ABHD18: variants seen among roughly 807,000 people sequenced by gnomAD.
ABHD18 encodes the protein cardiolipin-specific deacylase, mitochondrial.
ABHD18 carries 55 observed loss-of-function variants against 65.9 expected under a neutral mutation model. The observed-to-expected ratio is 0.84, with a 90% CI of 0.67 to 1.05. ABHD18 has a LOEUF of 1.05. Among genes scored for constraint, ABHD18 ranks in the 50% least tolerant of loss-of-function variants. The pLI is 0.00. For missense variants in ABHD18, 533 were observed against 558.5 expected (o/e 0.95, Z 0.46); for synonymous variants, 181 against 180.2 (o/e 1.00, Z -0.04).
rs747148395 is a variant in ABHD18, at chr4:127,989,714, CT to C, written c.178-3del. ...TTGCATACATCTTGGTTTTGATTTT[CT>C]TTTAGATTGAAGAGCAATCAGATTG... On this transcript the variant is annotated splice_region_variant and splice_polypyrimidine_tract_variant and intron_variant, in intron 3 of 12. Coordinates refer to ENST00000645843, the MANE Select transcript of ABHD18 (RefSeq NM_001358451.3). 2 of 1,553,566 alleles carry C rather than the reference CT, an allele frequency of 1.3e-6. No individual in the cohort carries two copies. The highest frequency in any genetic ancestry group is 2.5e-5 in the South Asian group (2 of 81,478).
At chr4:128,035,625 T>C (rs1467865169) in intron 12 of ABHD18, 137 bp from the exon 13 acceptor site, 8 of 546,274 alleles carry the variant, frequency 1.5e-5, no homozygotes, top group Middle Eastern at 3.6e-4. Context: ...GGAGGGTAAC[T>C]GCCTATTTCA....
At chr4:128,030,032 G>A (rs1396116590) in intron 11 of ABHD18, among the ~76,000 whole-genome samples, 1 of 151,920 alleles carries the variant, frequency 6.6e-6, no homozygotes, top group Non-Finnish European at 1.5e-5. Context: ...GCATTCACCT[G>A]TAGTCCCAGC....
At chr4:128,029,969 A>G (rs1445651759) in intron 11 of ABHD18, among the ~76,000 whole-genome samples, 1 of 152,102 alleles carries the variant, frequency 6.6e-6, no homozygotes, top group African/African-American at 2.4e-5. Context: ...CCTCGGTGAC[A>G]AAGTGAAACT....
chr4:128,013,977 CTTTTTTTTTTT>C (rs61303818), intron 7 of ABHD18, among the ~76,000 whole-genome samples: 41 of 115,134 alleles, frequency 3.6e-4, no homozygotes, highest in Admixed American at 5.8e-4. Flanking sequence ...GAATTTCCAC[CTTTTTTTTTTT>C]TTTTTTTTTT....
intron 4 of ABHD18, among the ~76,000 whole-genome samples, chr4:127,999,805 G>T (rs1271948611): frequency 6.6e-6 from 1 of 151,908 alleles, no homozygotes; most frequent in Non-Finnish European, 1.5e-5. Flanking sequence ...GGTCCCACTT[G>T]TCTCTTTTCT....
At chr4:128,035,210 T>C (rs1758750427) in intron 12 of ABHD18, among the ~76,000 whole-genome samples, 1 of 152,084 alleles carries the variant, frequency 6.6e-6, no homozygotes, top group African/African-American at 2.4e-5. Flanking sequence ...TGTGCGTGCG[T>C]GTATGTATGA....
chr4:128,011,150 ATTT>A (rs766141488), intron 6 of ABHD18, among the ~76,000 whole-genome samples: 2 of 141,506 alleles, frequency 1.4e-5, no homozygotes, highest in Non-Finnish European at 1.5e-5. Flanking sequence ...GTGATATATG[ATTT>A]TTTTTTTTTT....
rs1048044652 is a variant in ABHD18 at position 128,031,181 on chromosome 4, G to A, written c.1343+509G>A. 56 of 982,210 alleles carry A rather than the reference G, an allele frequency of 5.7e-5. No homozygotes were observed. The African/African-American group carries it at 9.1e-4, about 16-fold the overall frequency. The allele number at this position is 982,210 out of a possible 1,614,324, so 60.8% of individuals were successfully genotyped here. On this transcript the variant is annotated intron_variant, in intron 12 of 12. Transcript: ENST00000645843. ...ATAAAAACTTTTATGCTGGCTGGGC[G>A]CGGTGGCTTACGCCTGTAATCCCAG...
Position 128,030,666 on chromosome 4 carries a change from T to A in ABHD18, c.1337T>A (p.Leu446His). ...HISAYLFKQG[L>H]FRQAIYDAFD... ...AGTGCTTATCTTTTTAAACAAGGAC[T>A]CTTCAGGTAAGACGGCTGGTCTAAA... The change falls in exon 12 of 13, where the codon CTC becomes CAC. Residue 446 changes from leucine (L) to histidine (H), a missense_variant. This residue lies in a region of ABHD18 where 220 missense variants were observed against 226.8 expected (regional missense o/e 0.97). Transcript: ENST00000645843. 6.3e-7 allele frequency: 1 copy of A among 1,588,158 alleles called. No individual in the cohort carries two copies. Among genetic ancestry groups the A allele is most frequent in the Non-Finnish European group, 8.5e-7 (1 of 1,174,138 alleles).
chr4:127,986,394 A>G (rs947703025), intron 3 of ABHD18, among the ~76,000 whole-genome samples: 16 of 152,194 alleles, frequency 1.1e-4, no homozygotes, highest in Admixed American at 4.6e-4. Flanking sequence ...TTCAAGAAAA[A>G]CTTTATCCTT....
chr4:128,036,834 A>G lies in ABHD18; in HGVS notation c.*1021A>G, dbSNP rs573640915. ...AGATTAGGGTTTTTAAAAAATGCCA[A>G]TAGGCCGGGTGCAGTGGCTCATGCC... On this transcript the variant is annotated 3_prime_UTR_variant, in exon 13 of 13. Transcript: ENST00000645843. 2.0e-5 allele frequency: 3 copies of G among 152,274 alleles called. No homozygotes were observed. The highest frequency in any genetic ancestry group is 1.9e-4 in the East Asian group (1 of 5,174). The allele number at this position is 152,274 out of a possible 1,614,324, so 9.4% of individuals were successfully genotyped here. A position where few individuals can be genotyped will look rare whatever the true frequency, so the allele number is the denominator to read the frequency against.
At chr4:127,968,036 C>T (rs1447514408) in intron 1 of ABHD18, among the ~76,000 whole-genome samples, 2 of 152,008 alleles carry the variant, frequency 1.3e-5, no homozygotes, top group African/African-American at 4.8e-5. Flanking sequence ...GGTGAAACCC[C>T]GTCTCTACTA....
At chr4:128,033,967 T>C (rs1270351817) in intron 12 of ABHD18, among the ~76,000 whole-genome samples, 1 of 148,842 alleles carries the variant, frequency 6.7e-6, no homozygotes, top group Non-Finnish European at 1.5e-5. Context: ...TTCTTTTTTT[T>C]TTTTTTTTTT....
At chr4:128,035,109 A>G (rs1427451496) in intron 12 of ABHD18, among the ~76,000 whole-genome samples, 1 of 152,218 alleles carries the variant, frequency 6.6e-6, no homozygotes, top group Non-Finnish European at 1.5e-5. Context: ...GAAAAGTTAC[A>G]TAATTAATTT....
rs574956758 is a variant in ABHD18 at position 128,009,119 on chromosome 4, C to G, written c.370C>G (p.Arg124Gly). 1 of 1,570,298 alleles carries G rather than the reference C, an allele frequency of 6.4e-7. No homozygotes were observed. The highest frequency in any genetic ancestry group is 1.4e-5 in the African/African-American group (1 of 72,428). Reference protein sequence around the residue: ...AGTGDHHYWRRRTLMARPMIK... With the variant: ...AGTGDHHYWRGRTLMARPMIK... ...TTTCTTTCCTTAGCATTACTGGAGGCGACGAACACTAATGGCCCGTCCTAT... is the reference window on the plus strand; with the variant it reads ...TTTCTTTCCTTAGCATTACTGGAGGGGACGAACACTAATGGCCCGTCCTAT... Residue 124 changes from arginine (R) to glycine (G), a missense_variant, in exon 6 of 13, where the codon CGA becomes GGA. Around this residue, in one of 3 missense-constraint regions of ABHD18, gnomAD observed 309 missense variants for 313.5 expected, o/e 0.99. Coordinates refer to ENST00000645843, the MANE Select transcript of ABHD18 (RefSeq NM_001358451.3).
intron 1 of ABHD18, among the ~76,000 whole-genome samples, chr4:127,979,681 C>T (rs1423686902): frequency 6.6e-6 from 1 of 151,990 alleles, no homozygotes; most frequent in Non-Finnish European, 1.5e-5. Flanking sequence ...TTTGGGAGGC[C>T]GAGGCGGGTG....
chr4:127,990,464 T>C (rs927978752), intron 4 of ABHD18, among the ~76,000 whole-genome samples: 2 of 152,116 alleles, frequency 1.3e-5, no homozygotes, highest in Non-Finnish European at 2.9e-5. Context: ...CCTGGGAGGC[T>C]GAGGCAGGAG....
At chr4:127,976,032 G>A (rs1747849328) in intron 1 of ABHD18, among the ~76,000 whole-genome samples, 1 of 152,046 alleles carries the variant, frequency 6.6e-6, no homozygotes, top group Non-Finnish European at 1.5e-5. Context: ...TGCCATGTTA[G>A]CCAGGCTGGT....
At chr4:128,027,175 A>G (rs1395287155) in intron 10 of ABHD18, among the ~76,000 whole-genome samples, 1 of 152,228 alleles carries the variant, frequency 6.6e-6, no homozygotes, top group East Asian at 1.9e-4. Flanking sequence ...TGTACAGGTT[A>G]GTAACCTAGA....
Sources: gnomAD v4.1 joint callset for allele counts (sites outside exome capture counted in the v4.1 genomes callset) on GRCh38, gnomAD v4.1.1 for gene constraint, gnomAD v4.1.1 regional missense constraint, MANE v1.5 for transcripts, NCBI Gene and HGNC (gene_info 2026-07-23, HGNC 2026-07-21) for gene names.